Variants in ADAMTS17 observed in about 807,000 individuals in gnomAD.
ADAMTS17 encodes the protein ADAM metallopeptidase with thrombospondin type 1 motif 17, also known as A disintegrin and metalloproteinase with thrombospondin motifs 17.
Under a neutral mutation model 141.5 loss-of-function variants are expected in ADAMTS17, and 113 were observed. The observed-to-expected ratio is 0.80, with a 90% confidence interval of 0.69 to 0.93. ADAMTS17 has a LOEUF of 0.93. Ranked by LOEUF, ADAMTS17 falls within the 40% of genes least tolerant of loss-of-function variation. The pLI is 0.00. For synonymous variants in ADAMTS17, 768 were observed against 630.6 expected, an observed-to-expected ratio of 1.22 and a Z score of -3.27; for missense variants, 1,659 against 1,517.9, an observed-to-expected ratio of 1.09 and a Z score of -1.54.
chr15:100,238,576 C>T (rs538167372), intron 7 of ADAMTS17, among the ~76,000 whole-genome samples: 6 of 152,310 alleles, frequency 3.9e-5, no homozygotes, highest in African/African-American at 1.4e-4. Flanking sequence ...GTAAAAGCAA[C>T]GATGGGAATT....
intron 3 of ADAMTS17, among the ~76,000 whole-genome samples, chr15:100,293,670 C>T (rs2044718144): frequency 6.6e-6 from 1 of 152,124 alleles, no homozygotes; most frequent in Non-Finnish European, 1.5e-5. Context: ...CCCCAGCTCT[C>T]CTCCTCCAGG....
At chr15:100,201,702 T>C (rs1296622997) in intron 7 of ADAMTS17, among the ~76,000 whole-genome samples, 1 of 152,104 alleles carries the variant, frequency 6.6e-6, no homozygotes, top group Non-Finnish European at 1.5e-5. Context: ...AATGTTATTT[T>C]GCCTCAAGAT....
intron 15 of ADAMTS17, among the ~76,000 whole-genome samples, chr15:100,076,515 A>C (rs950085483): frequency 6.6e-6 from 1 of 152,180 alleles, no homozygotes; most frequent in Non-Finnish European, 1.5e-5. Flanking sequence ...ACTTGTATAG[A>C]TCCTGTGCTG....
At chr15:100,190,774 G>A (rs892221211) in intron 8 of ADAMTS17, among the ~76,000 whole-genome samples, 3 of 152,232 alleles carry the variant, frequency 2.0e-5, no homozygotes, top group Non-Finnish European at 4.4e-5. Context: ...ACCTGAGCAC[G>A]AAGGAAACCC....
intron 3 of ADAMTS17, among the ~76,000 whole-genome samples, chr15:100,326,311 A>G (rs1272480873): frequency 2.0e-5 from 3 of 152,218 alleles, no homozygotes; most frequent in Non-Finnish European, 4.4e-5. Context: ...AAAGACTCCA[A>G]CTACCACTTT....
At chr15:100,227,150 C>G (rs535171958) in intron 7 of ADAMTS17, among the ~76,000 whole-genome samples, 1 of 152,196 alleles carries the variant, frequency 6.6e-6, no homozygotes, top group Non-Finnish European at 1.5e-5. Context: ...TCAGCCAGAT[C>G]TCGCTGTTCA....
chr15:100,232,493 C>T (rs2042514896), intron 7 of ADAMTS17, among the ~76,000 whole-genome samples: 1 of 152,222 alleles, frequency 6.6e-6, no homozygotes, highest in Admixed American at 6.5e-5. Flanking sequence ...GGTGACACAT[C>T]CTCCCAGTAA....
chr15:99,993,986 A>T lies in ADAMTS17; in HGVS notation c.2797-786T>A, dbSNP rs1157499200. On this transcript the variant is annotated intron_variant, in intron 19 of 21. Coordinates refer to ENST00000268070, the MANE Select transcript of ADAMTS17 (RefSeq NM_139057.4). The surrounding 1 kb of genome is among the most constrained non-coding windows in gnomAD (Gnocchi z 4.3). ...AGGGGGCATGACAGGGTGTCAACAC[A>T]GCAGACAGGCACTCTGGAGTGCGTC... Among the ~76,000 whole-genome samples the T allele has an allele frequency of 6.6e-6, 1 of 152,176 alleles. No homozygotes were observed. The highest frequency in any genetic ancestry group is 1.5e-5 in the Non-Finnish European group (1 of 68,012).
intron 7 of ADAMTS17, among the ~76,000 whole-genome samples, chr15:100,247,015 C>T (rs1485916784): frequency 1.3e-5 from 2 of 152,130 alleles, no homozygotes; most frequent in East Asian, 1.9e-4. Flanking sequence ...TTCCGAGTAG[C>T]TGGGATTACA....
chr15:100,295,584 G>GCCACAGCC (rs2044780464), intron 3 of ADAMTS17, among the ~76,000 whole-genome samples: 1 of 152,260 alleles, frequency 6.6e-6, no homozygotes, highest in East Asian at 1.9e-4. Flanking sequence ...AAAGGTATAA[G>GCCACAGCC]CCACAGCCCC....
intron 8 of ADAMTS17, among the ~76,000 whole-genome samples, chr15:100,194,107 T>C (rs916546697): frequency 2.0e-5 from 3 of 152,238 alleles, no homozygotes; most frequent in Admixed American, 2.0e-4. Context: ...CTCTTCGTTT[T>C]TCTGAGTGGG....
intron 3 of ADAMTS17, among the ~76,000 whole-genome samples, chr15:100,303,848 G>A (rs1026917247): frequency 6.6e-6 from 1 of 152,038 alleles, no homozygotes; most frequent in African/African-American, 2.4e-5. Context: ...TCAACCTCCC[G>A]AGTAGTTGGG....
At chr15:100,053,731 G>C (rs1348819153) in intron 16 of ADAMTS17, among the ~76,000 whole-genome samples, 166 bp downstream of exon 16, 2 of 152,168 alleles carry the variant, frequency 1.3e-5, no homozygotes, top group Admixed American at 6.5e-5. Context: ...GAAAAGAAAG[G>C]ACCCAGAGAG....
rs372128153 is a variant in ADAMTS17 at position 100,334,282 on chromosome 15, G to T, written c.451-3228C>A. ...AAATGCAGTTAAGATAACAGAGAAC[G>T]TCTGTCCTGTGTGCTTCAAAGCAGC... On this transcript the variant is annotated intron_variant, in intron 2 of 21. Coordinates refer to ENST00000268070, the MANE Select transcript of ADAMTS17 (RefSeq NM_139057.4). Among the ~76,000 whole-genome samples, 7 of 152,312 alleles carry T rather than the reference G, an allele frequency of 4.6e-5. No homozygotes were observed. The East Asian group carries it at 1.4e-3, about 29-fold the overall frequency.
At chr15:100,008,746 C>T (rs2061092575) in intron 18 of ADAMTS17, among the ~76,000 whole-genome samples, 2 of 152,220 alleles carry the variant, frequency 1.3e-5, no homozygotes, top group Admixed American at 1.3e-4. Context: ...TGCCCTGAGC[C>T]AGCCTGAAAA....
At chr15:100,233,756 G>A (rs928633039) in intron 7 of ADAMTS17, among the ~76,000 whole-genome samples, 1 of 152,044 alleles carries the variant, frequency 6.6e-6, no homozygotes, top group Non-Finnish European at 1.5e-5. Flanking sequence ...GCGAGTTATG[G>A]AGATGTCAGG....
intron 4 of ADAMTS17, among the ~76,000 whole-genome samples, chr15:100,264,868 T>TA (rs767650012): frequency 2.0e-5 from 3 of 151,954 alleles, no homozygotes. Flanking sequence ...TTTTGCAAGA[T>TA]AAAAAAGCTG....
At chr15:100,058,768 C>A (rs942488166) in intron 15 of ADAMTS17, among the ~76,000 whole-genome samples, 1 of 152,074 alleles carries the variant, frequency 6.6e-6, no homozygotes. Flanking sequence ...TTGTCTGTAG[C>A]GGAATGGGTG....
chr15:100,088,025 A>G (rs753623603), intron 15 of ADAMTS17, among the ~76,000 whole-genome samples: 16 of 152,292 alleles, frequency 1.1e-4, no homozygotes, highest in South Asian at 6.2e-4. Context: ...AGGGTATTCA[A>G]TTAGGAAAAG....
Sources: gnomAD v4.1 joint callset for allele counts (sites outside exome capture counted in the v4.1 genomes callset) on GRCh38, gnomAD v4.1.1 for gene constraint, Gnocchi (gnomAD v3.1) non-coding constraint, MANE v1.5 for transcripts, NCBI Gene and HGNC (gene_info 2026-07-23, HGNC 2026-07-21) for gene names.